Variants in CDH20 observed in about 807,000 individuals in gnomAD.
CDH20 encodes cadherin 20, also known as cadherin-20.
A neutral mutation model predicts 74.2 loss-of-function variants in CDH20; 29 were observed. The ratio of observed to expected loss-of-function variants is 0.39; its 90% confidence interval spans 0.29 to 0.53. CDH20 has a LOEUF of 0.53. Among genes scored for constraint, CDH20 ranks in the 20% least tolerant of loss-of-function variants. The pLI, the probability that CDH20 is intolerant of heterozygous loss-of-function variation, is 0.69. For missense variants in CDH20, 988 were observed against 1,048.3 expected, an observed-to-expected ratio of 0.94 and a Z score of 0.79; for synonymous variants, 469 against 405.4, an observed-to-expected ratio of 1.16 and a Z score of -1.88.
rs143401609 is a variant in CDH20 at position 61,406,586 on chromosome 18, T to C, written c.-153+72759T>C. Among the ~76,000 whole-genome samples, 340 of 152,340 alleles carry C rather than the reference T, an allele frequency of 2.2e-3. 2 individuals are homozygous for C. The highest frequency in any genetic ancestry group is 7.5e-3 in the African/African-American group (310 of 41,580). ...TAATTACAGGTTGTATGAAACACTC[T>C]GCAAGATAGAAACAGGATAATGTGA... On this transcript the variant is annotated intron_variant, in intron 1 of 11. Transcript: ENST00000262717.
chr18:61,426,307 A>G (rs1913070495), intron 1 of CDH20, among the ~76,000 whole-genome samples: 1 of 152,014 alleles, frequency 6.6e-6, no homozygotes, highest in Non-Finnish European at 1.5e-5. Context: ...TATACAACCA[A>G]CTCTCCCTCA....
chr18:61,344,802 A>G (rs562367837), intron 1 of CDH20, among the ~76,000 whole-genome samples: 2 of 152,318 alleles, frequency 1.3e-5, no homozygotes, highest in East Asian at 1.9e-4. Context: ...GCAAAACAAG[A>G]TCATGACTTT....
At chr18:61,440,075 G>A (rs967532334) in intron 1 of CDH20, among the ~76,000 whole-genome samples, 18 of 152,130 alleles carry the variant, frequency 1.2e-4, no homozygotes, top group African/African-American at 4.3e-4. Flanking sequence ...TGTAGCCAAT[G>A]ATGGTTACTA....
At chr18:61,343,654 C>G (rs1256468976) in intron 1 of CDH20, among the ~76,000 whole-genome samples, 2 of 152,232 alleles carry the variant, frequency 1.3e-5, no homozygotes, top group Non-Finnish European at 2.9e-5. Context: ...AAGGGCTCAA[C>G]AACATGCCTT....
chr18:61,379,183 C>T (rs1398859692), intron 1 of CDH20, among the ~76,000 whole-genome samples: 5 of 151,996 alleles, frequency 3.3e-5, no homozygotes, highest in East Asian at 1.9e-4. Flanking sequence ...AGATAATTAC[C>T]GCAGAAGAGT....
At chr18:61,417,555 T>C (rs1384145519) in intron 1 of CDH20, among the ~76,000 whole-genome samples, 1 of 120,396 alleles carries the variant, frequency 8.3e-6, no homozygotes, top group East Asian at 2.8e-4. Flanking sequence ...AAATACTGTA[T>C]GTTCTTACTC....
At chr18:61,523,315 T>G (rs1912276855) in intron 6 of CDH20, among the ~76,000 whole-genome samples, 1 of 151,376 alleles carries the variant, frequency 6.6e-6, no homozygotes, top group Non-Finnish European at 1.5e-5. Flanking sequence ...ACATGAAAAA[T>G]AGCTCATCAT....
chr18:61,404,933 T>A, intron 1 of CDH20: 1 of 704,904 alleles, frequency 1.4e-6, no homozygotes. Flanking sequence ...CCAGTGTGCA[T>A]ACTCTGTAGT....
At chr18:61,365,558 T>G (rs1464543037) in intron 1 of CDH20, among the ~76,000 whole-genome samples, 1 of 152,214 alleles carries the variant, frequency 6.6e-6, no homozygotes, top group Non-Finnish European at 1.5e-5. Flanking sequence ...CAAAGGTTTT[T>G]TAAACTCACT....
chr18:61,423,803 T>C (rs1912974393), intron 1 of CDH20, among the ~76,000 whole-genome samples: 1 of 152,216 alleles, frequency 6.6e-6, no homozygotes, highest in Admixed American at 6.5e-5. Context: ...CACTTCCAAA[T>C]GCTAGATTAA....
At chr18:61,436,333 C>A (rs1908835090) in intron 1 of CDH20, among the ~76,000 whole-genome samples, 1 of 151,592 alleles carries the variant, frequency 6.6e-6, no homozygotes, top group Non-Finnish European at 1.5e-5. Flanking sequence ...TCTGAGAAAC[C>A]ACCATACTGT....
chr18:61,396,326 T>A (rs926759347), intron 1 of CDH20, among the ~76,000 whole-genome samples: 1 of 152,206 alleles, frequency 6.6e-6, no homozygotes, highest in African/African-American at 2.4e-5. Flanking sequence ...TTCTAGGTAT[T>A]CTTTTGGAAA....
chr18:61,545,271 T>G (rs1718010626), intron 10 of CDH20, 127 bp downstream of exon 10: 1 of 659,358 alleles, frequency 1.5e-6, no homozygotes, highest in Admixed American at 2.7e-5. Context: ...TGTTAATAAT[T>G]CAGTGTATTT....
intron 1 of CDH20, among the ~76,000 whole-genome samples, chr18:61,366,514 T>C (rs1910866029): frequency 6.6e-6 from 1 of 152,164 alleles, no homozygotes; most frequent in African/African-American, 2.4e-5. Flanking sequence ...TCCTTATTCT[T>C]TTTTATAACA....
At chr18:61,481,966 G>T (rs537874231) in intron 1 of CDH20, among the ~76,000 whole-genome samples, 1 of 151,296 alleles carries the variant, frequency 6.6e-6, no homozygotes, top group Admixed American at 6.6e-5. Context: ...TTATTCTAGC[G>T]TGAGAGGGGA....
rs546668828 is a variant in CDH20 at position 61,399,890 on chromosome 18, G to A, written c.-153+66063G>A. On this transcript the variant is annotated intron_variant, in intron 1 of 11. Coordinates refer to ENST00000262717, the MANE Select transcript of CDH20 (RefSeq NM_031891.4). ...GTATCATCATTAAGCACCAAATAAAGCCATTGATTCCGTGTATTATTCTGT... is the reference window on the plus strand; with the variant it reads ...GTATCATCATTAAGCACCAAATAAAACCATTGATTCCGTGTATTATTCTGT... 2.1e-4 allele frequency among the ~76,000 whole-genome samples: 32 copies of A among 152,266 alleles called. No homozygotes were observed. The South Asian group carries it at 2.9e-3, about 14-fold the overall frequency.
chr18:61,379,306 T>C (rs1306064134), intron 1 of CDH20, among the ~76,000 whole-genome samples: 3 of 152,214 alleles, frequency 2.0e-5, no homozygotes, highest in Non-Finnish European at 4.4e-5. Flanking sequence ...CTGTGAAGCA[T>C]TATTATGCTC....
At chr18:61,515,852 G>A (rs950880531) in intron 6 of CDH20, among the ~76,000 whole-genome samples, 33 of 151,068 alleles carry the variant, frequency 2.2e-4, no homozygotes, top group Admixed American at 1.7e-3. Flanking sequence ...TGGGTGCAGC[G>A]CACCAGCATG....
chr18:61,446,488 A>G (rs569395425), intron 1 of CDH20, among the ~76,000 whole-genome samples: 6 of 152,286 alleles, frequency 3.9e-5, no homozygotes, highest in Admixed American at 2.0e-4. Flanking sequence ...TTTGGGTTCC[A>G]TGGTCAGGAA....
Sources: gnomAD v4.1 joint callset for allele counts (sites outside exome capture counted in the v4.1 genomes callset) on GRCh38, gnomAD v4.1.1 for gene constraint, MANE v1.5 for transcripts, NCBI Gene and HGNC (gene_info 2026-07-23, HGNC 2026-07-21) for gene names.